SERP2: variants seen among roughly 807,000 people sequenced by gnomAD.
SERP2 encodes stress-associated endoplasmic reticulum protein 2.
Under a neutral mutation model 9.1 loss-of-function variants are expected in SERP2, and 6 were observed. That is an observed-to-expected ratio of 0.66 (90% CI 0.36 to 1.30). The LOEUF (loss-of-function observed/expected upper bound fraction) is 1.30, where lower values mean the gene tolerates loss of function less well. Ranked by LOEUF, SERP2 falls within the 50% of genes most tolerant of loss-of-function variation. The pLI is 0.03. For synonymous variants in SERP2, 37 were observed against 27.3 expected, an observed-to-expected ratio of 1.35 and a Z score of -1.10; for missense variants, 58 against 81.9, an observed-to-expected ratio of 0.71 and a Z score of 1.13.
At chr13:44,383,830 C>A (rs1022208945) in intron 2 of SERP2, among the ~76,000 whole-genome samples, 2 of 151,776 alleles carry the variant, frequency 1.3e-5, no homozygotes, top group African/African-American at 4.8e-5. Flanking sequence ...GGATTACAGG[C>A]ATGAGCCAAT....
intron 2 of SERP2, among the ~76,000 whole-genome samples, chr13:44,393,274 G>A (rs867653265): frequency 2.0e-5 from 3 of 152,216 alleles, no homozygotes; most frequent in Non-Finnish European, 4.4e-5. Context: ...GAGGAAGAGA[G>A]GGCCCTGTGG....
intron 2 of SERP2, among the ~76,000 whole-genome samples, chr13:44,387,537 G>A (rs1476665600): frequency 3.3e-5 from 5 of 152,108 alleles, no homozygotes; most frequent in African/African-American, 9.7e-5. Flanking sequence ...GTGAAATGAG[G>A]TCTTTTCCTT....
intron 2 of SERP2, chr13:44,395,822 G>T (rs780221866): frequency 2.2e-6 from 1 of 456,982 alleles, no homozygotes; most frequent in South Asian, 1.6e-5. Context: ...CAAAATAATA[G>T]TACAGGACCC....
At position 44,380,739 on chromosome 13, in the gene SERP2, C is replaced by T. The variant is rs139040826; in HGVS notation, c.157+1026C>T. Among the ~76,000 whole-genome samples, 149 of 152,308 alleles carry T rather than the reference C, an allele frequency of 9.8e-4. 2 individuals carry two copies. Among genetic ancestry groups the T allele is most frequent in the African/African-American group, 3.5e-3 (146 of 41,570 alleles). On this transcript the variant is annotated intron_variant, in intron 2 of 2. Coordinates refer to ENST00000379179, the MANE Select transcript of SERP2 (RefSeq NM_001010897.3). ...TTACACTCAAAGAAAGACAGTTCTA[C>T]TCTATTCCCAAAGAAGTATCTTTAA...
chr13:44,384,372 GTCC>G (rs1372471676), intron 2 of SERP2, among the ~76,000 whole-genome samples: 1 of 152,084 alleles, frequency 6.6e-6, no homozygotes, highest in East Asian at 1.9e-4. Context: ...CGAATGTGCG[GTCC>G]TCAAGTCTAG....
chr13:44,379,285 G>A (rs1871829553), intron 1 of SERP2, among the ~76,000 whole-genome samples: 1 of 152,180 alleles, frequency 6.6e-6, no homozygotes, highest in Admixed American at 6.5e-5. Flanking sequence ...ACTGCCTAGT[G>A]TAGTGCCTGG....
chr13:44,375,439 A>G (rs1871596547), intron 1 of SERP2, among the ~76,000 whole-genome samples: 1 of 152,168 alleles, frequency 6.6e-6, no homozygotes, highest in African/African-American at 2.4e-5. Flanking sequence ...CTCAGTTGTG[A>G]TTAGGCAGCA....
intron 2 of SERP2, chr13:44,390,417 C>T (rs917781964): frequency 3.3e-5 from 15 of 455,596 alleles, no homozygotes; most frequent in Non-Finnish European, 6.2e-5. Flanking sequence ...GTTGTAACAT[C>T]CAGAGGGAGT....
chr13:44,382,629 T>C (rs1469569810), intron 2 of SERP2, among the ~76,000 whole-genome samples: 1 of 152,152 alleles, frequency 6.6e-6, no homozygotes, highest in Non-Finnish European at 1.5e-5. Context: ...CCCAGTGTTA[T>C]GGTCCCTGAA....
chr13:44,394,128 C>G (rs958642865), intron 2 of SERP2, among the ~76,000 whole-genome samples: 14 of 151,990 alleles, frequency 9.2e-5, no homozygotes, highest in African/African-American at 3.1e-4. Context: ...TAGATTCTTT[C>G]TATTATTTTT....
chr13:44,387,176 T>G (rs1200304666), intron 2 of SERP2, among the ~76,000 whole-genome samples: 2 of 152,210 alleles, frequency 1.3e-5, no homozygotes, highest in Admixed American at 1.3e-4. Context: ...AACTGCTATC[T>G]TCTCAAGGCA....
chr13:44,374,005 G>T lies in SERP2; in HGVS notation c.-21G>T. 2 of 1,587,666 alleles carry T rather than the reference G, an allele frequency of 1.3e-6. No homozygotes were observed. The highest frequency in any genetic ancestry group is 1.7e-6 in the Non-Finnish European group (2 of 1,166,158). ...GCAGGGGGAATCCTTGCAGGTGGGA[G>T]CATTTCAGAGCGCACAAGCCATGGT... On this transcript the variant is annotated 5_prime_UTR_variant, in exon 1 of 3. Transcript: ENST00000379179.
chr13:44,395,713 CA>C, intron 2 of SERP2: 3 of 405,606 alleles, frequency 7.4e-6, no homozygotes, highest in Non-Finnish European at 9.9e-6. Flanking sequence ...ACACCTTCAC[CA>C]TATCTACAGA....
At chr13:44,385,797 G>A (rs1872280017) in intron 2 of SERP2, among the ~76,000 whole-genome samples, 2 of 152,086 alleles carry the variant, frequency 1.3e-5, no homozygotes, top group Admixed American at 1.3e-4. Flanking sequence ...AAGGTGTCCT[G>A]GCATTGAGCA....
At chr13:44,393,203 G>A (rs1388954071) in intron 2 of SERP2, among the ~76,000 whole-genome samples, 4 of 152,172 alleles carry the variant, frequency 2.6e-5, no homozygotes, top group Non-Finnish European at 5.9e-5. Context: ...ACTGACATGA[G>A]AATAGCAGGT....
At chr13:44,389,261 A>G (rs1872500951) in intron 2 of SERP2, among the ~76,000 whole-genome samples, 1 of 152,174 alleles carries the variant, frequency 6.6e-6, no homozygotes, top group African/African-American at 2.4e-5. Flanking sequence ...TCAGGGCCAG[A>G]CTTTGTGTAT....
chr13:44,379,945 T>A (rs1246323344), intron 2 of SERP2, among the ~76,000 whole-genome samples: 1 of 152,176 alleles, frequency 6.6e-6, no homozygotes, highest in Non-Finnish European at 1.5e-5. Flanking sequence ...ACTGAGTAGT[T>A]AAAGTGGCTG....
intron 2 of SERP2, among the ~76,000 whole-genome samples, chr13:44,395,473 G>A (rs907467584): frequency 3.8e-4 from 57 of 152,000 alleles, no homozygotes; most frequent in African/African-American, 1.3e-3. Flanking sequence ...GCATGGTAGC[G>A]GGCACCTGTA....
chr13:44,377,542 G>A (rs1871728648), intron 1 of SERP2, among the ~76,000 whole-genome samples: 1 of 152,218 alleles, frequency 6.6e-6, no homozygotes, highest in African/African-American at 2.4e-5. Context: ...GACTGATCTT[G>A]TCCTCGTCTG....
Sources: gnomAD v4.1 joint callset for allele counts (sites outside exome capture counted in the v4.1 genomes callset) on GRCh38, gnomAD v4.1.1 for gene constraint, MANE v1.5 for transcripts, NCBI Gene and HGNC (gene_info 2026-07-23, HGNC 2026-07-21) for gene names.